Variants in DEFB118 observed in about 807,000 individuals in gnomAD.
DEFB118 encodes defensin beta 118, also known as defensin, beta 18.
In DEFB118, 3 loss-of-function variants were observed where a neutral mutation model predicts 2.8. That is an observed-to-expected ratio of 1.09 (90% CI 0.50 to 2.82). The LOEUF is 2.82. DEFB118 is among the 30% of genes most tolerant of loss of function. The pLI is 0.04. For missense variants in DEFB118, 159 were observed against 144.6 expected, an observed-to-expected ratio of 1.10 and a Z score of -0.51; for synonymous variants, 63 against 53.5, an observed-to-expected ratio of 1.18 and a Z score of -0.78.
In DEFB118 at chr20:31,373,327, A is replaced by G. The variant is rs1014013369; in HGVS notation, c.*157A>G. The G allele has an allele frequency of 1.9e-5, 12 of 629,038 alleles. No individual in the cohort carries two copies. Among genetic ancestry groups the G allele is most frequent in the African/African-American group, 3.7e-5 (2 of 54,398 alleles). The allele number at this position is 629,038 out of a possible 1,614,324, so 39.0% of individuals were successfully genotyped here. On this transcript the variant is annotated 3_prime_UTR_variant, in exon 2 of 2. Transcript: ENST00000253381. ...TGTAAAGAAGTCTAAAATTTTCACT[A>G]TTTCCAATGATAAACTCTTCAGTGC...
In DEFB118 at chr20:31,373,143, T is replaced by G. The variant is rs772565343; in HGVS notation, c.345T>G (p.Ser115=). The change falls in exon 2 of 2, where the codon TCT becomes TCG. Residue 115 remains serine (S), a synonymous_variant. Coordinates refer to ENST00000253381, the MANE Select transcript of DEFB118 (RefSeq NM_054112.3). ...AGGCGGGAAGGGGAACTGAGACCTC[T>G]CTTCCAAATGTTCACCATAGCTCAT... is the stretch of plus-strand genomic sequence containing the variant. ...ESEAGRGTET[S]LPNVHHSS is the part of the protein sequence containing the mutation. 2 of 1,613,868 alleles carry G rather than the reference T, an allele frequency of 1.2e-6. No individual in the cohort carries two copies. The highest frequency in any genetic ancestry group is 3.3e-5 in the Admixed American group (2 of 60,026).
intron 1 of DEFB118, 93 bp downstream of exon 1, chr20:31,368,801 C>A: frequency 8.3e-7 from 1 of 1,205,396 alleles, no homozygotes; most frequent in Non-Finnish European, 1.2e-6. Context: ...CCAACATGGG[C>A]AGCTCCACAG....
chr20:31,372,876 A>T lies in DEFB118; in HGVS notation c.78A>T (p.Lys26Asn). 1.2e-6 allele frequency: 2 copies of T among 1,613,966 alleles called. No homozygotes were observed. Among genetic ancestry groups the T allele is most frequent in the Non-Finnish European group, 1.7e-6 (2 of 1,179,906 alleles). Residue 26 changes from lysine (K) to asparagine (N), a missense_variant, in exon 2 of 2, where the codon AAA (lysine) becomes AAT (asparagine). Coordinates refer to ENST00000253381, the MANE Select transcript of DEFB118 (RefSeq NM_054112.3). ...QVIPAYSGEKKCWNRSGHCRK... is the reference protein window; with the variant it reads ...QVIPAYSGEKNCWNRSGHCRK... The stretch of plus-strand genomic sequence containing the variant: ...ATTCAGCCTATAGTGGTGAAAAAAA[A>T]TGCTGGAACAGATCAGGGCACTGCA...
rs562801154 is a variant in DEFB118, at chr20:31,373,093, A to G, written c.295A>G (p.Lys99Glu). Residue 99 changes from lysine (K) to glutamate (E), a missense_variant, in exon 2 of 2, where the codon AAG becomes GAG. Lys to Glu is a moderately conservative substitution (Grantham distance 56). Transcript: ENST00000253381. The stretch of plus-strand genomic sequence containing the variant: ...GACAGACTACTTTGAAGTAAGCAGC[A>G]AGAAAGATATGGTTGAAGAGTCTGA... ...FTTDYFEVSS[K>E]KDMVEESEAG... 6.2e-7 allele frequency: 1 copy of G among 1,614,206 alleles called. No individual in the cohort carries two copies. The highest frequency in any genetic ancestry group is 1.7e-5 in the Admixed American group (1 of 60,030).
Position 31,372,894 on chromosome 20 carries a change from G to A in DEFB118, c.96G>A (p.Gly32=), listed in dbSNP as rs767740209. 4 of 1,614,102 alleles carry A rather than the reference G, an allele frequency of 2.5e-6. No homozygotes were observed. The highest frequency in any genetic ancestry group is 2.2e-5 in the South Asian group (2 of 91,082). Residue 32 remains glycine (G), a synonymous_variant, in exon 2 of 2, where the codon GGG becomes GGA. Transcript: ENST00000253381. ...AAAAAAAATGCTGGAACAGATCAGG[G>A]CACTGCAGGAAACAATGCAAAGATG... ...SGEKKCWNRS[G]HCRKQCKDGE...
rs753747771 is a variant in DEFB118, at chr20:31,369,675, C to T, written c.58+967C>T. 1.2e-3 allele frequency among the ~76,000 whole-genome samples: 187 copies of T among 152,046 alleles called. 3 individuals carry two copies. The highest frequency in any genetic ancestry group is 3.5e-4 in the Non-Finnish European group (24 of 68,000). ...AAAGTGCTGGGATTACAGGCATGAGCCACCGCACCCGGCCCTATGCAGCAC... is the reference window on the plus strand; with the variant it reads ...AAAGTGCTGGGATTACAGGCATGAGTCACCGCACCCGGCCCTATGCAGCAC... On this transcript the variant is annotated intron_variant, in intron 1 of 1. Coordinates refer to ENST00000253381, the MANE Select transcript of DEFB118 (RefSeq NM_054112.3).
chr20:31,368,797 T>G, intron 1 of DEFB118, 89 bp downstream of exon 1: 1 of 1,274,866 alleles, frequency 7.8e-7, no homozygotes, highest in Middle Eastern at 2.1e-4. Context: ...CTCCCCAACA[T>G]GGGCAGCTCC....
At position 31,373,185 on chromosome 20, in the gene DEFB118, T is replaced by C. The variant is rs763094787; in HGVS notation, c.*15T>C. On this transcript the variant is annotated 3_prime_UTR_variant, in exon 2 of 2. Coordinates refer to ENST00000253381, the MANE Select transcript of DEFB118 (RefSeq NM_054112.3). ...ATAGCTCATGACTTCCTCTCGGCTA[T>C]CACTCACCCCTGTCCTCAGAGTGAT... 6.2e-7 allele frequency: 1 copy of C among 1,608,604 alleles called. No homozygotes were observed. The highest frequency in any genetic ancestry group is 8.5e-7 in the Non-Finnish European group (1 of 1,177,250).
At chr20:31,370,007 C>T (rs1231960444) in intron 1 of DEFB118, among the ~76,000 whole-genome samples, 1 of 152,058 alleles carries the variant, frequency 6.6e-6, no homozygotes, top group Non-Finnish European at 1.5e-5. Flanking sequence ...CCATTAATTC[C>T]TCTATTCCTC....
intron 1 of DEFB118, among the ~76,000 whole-genome samples, chr20:31,372,405 T>C (rs1986225192): frequency 6.6e-6 from 1 of 151,894 alleles, no homozygotes; most frequent in African/African-American, 2.4e-5. Context: ...AAAAATTAGC[T>C]GGGTGTGGTG....
At chr20:31,372,776 G>A (rs6141821) in intron 1 of DEFB118, 81 bp from the exon 2 acceptor site, 2 of 1,087,146 alleles carry the variant, frequency 1.8e-6, no homozygotes, top group East Asian at 2.6e-5. Context: ...TGTGGATATA[G>A]GATGCGAGAT....
rs1986239190 is a variant in DEFB118, at chr20:31,372,954, A to C, written c.156A>C (p.Arg52=). 1 of 1,614,222 alleles carries C rather than the reference A, an allele frequency of 6.2e-7. No homozygotes were observed. The highest frequency in any genetic ancestry group is 1.3e-5 in the African/African-American group (1 of 75,062). Residue 52 remains arginine (R), a synonymous_variant, in exon 2 of 2, where the codon CGA becomes CGC. Coordinates refer to ENST00000253381, the MANE Select transcript of DEFB118 (RefSeq NM_054112.3). ...EAVKDTCKNL[R]ACCIPSNEDH... is the part of the protein sequence containing the mutation. ...TGAAAGATACATGCAAAAATCTTCGAGCTTGCTGCATTCCATCCAATGAAG... is the reference window on the plus strand; with the variant it reads ...TGAAAGATACATGCAAAAATCTTCGCGCTTGCTGCATTCCATCCAATGAAG...
At chr20:31,372,459 G>T (rs1466097096) in intron 1 of DEFB118, among the ~76,000 whole-genome samples, 2 of 152,164 alleles carry the variant, frequency 1.3e-5, no homozygotes, top group African/African-American at 2.4e-5. Context: ...TGAGGCAAGA[G>T]AATCGCTTGA....
chr20:31,369,624 G>T lies in DEFB118; in HGVS notation c.58+916G>T, dbSNP rs545023994. On this transcript the variant is annotated intron_variant, in intron 1 of 1. Coordinates refer to ENST00000253381, the MANE Select transcript of DEFB118 (RefSeq NM_054112.3). ...AGGCTGGTCTCAAACTCTTGACCTC[G>T]GGTGATCCATCCGCCTCGGTCTCCC... is the stretch of plus-strand genomic sequence containing the variant. Among the ~76,000 whole-genome samples the T allele has an allele frequency of 1.3e-5, 2 of 152,048 alleles. 1 individual carries two copies. The highest frequency in any genetic ancestry group is 4.2e-4 in the South Asian group (2 of 4,810).
At position 31,373,406 on chromosome 20, in the gene DEFB118, T is replaced by C. The variant is rs1418974544; in HGVS notation, c.*236T>C. 2 of 529,936 alleles carry C rather than the reference T, an allele frequency of 3.8e-6. No homozygotes were observed. Among genetic ancestry groups the C allele is most frequent in the East Asian group, 6.0e-5 (2 of 33,348 alleles). 32.8% of individuals were successfully genotyped at this position (529,936 alleles called of 1,614,324 possible). On this transcript the variant is annotated 3_prime_UTR_variant, in exon 2 of 2. Transcript: ENST00000253381. ...AACAAGTTATAACCTATTTTTAGTA[T>C]TTCTTGTTTGCTAGTGACCTATGCA...
chr20:31,372,095 T>C (rs757128568), intron 1 of DEFB118, among the ~76,000 whole-genome samples: 7 of 152,372 alleles, frequency 4.6e-5, no homozygotes, highest in Non-Finnish European at 1.0e-4. Context: ...CATCAGTTGA[T>C]AGGCACTTAG....
In DEFB118 at chr20:31,373,814, G is replaced by A. The variant is rs975342572; in HGVS notation, c.*644G>A. The stretch of plus-strand genomic sequence containing the variant: ...CTTGATCACACATGGACATCCAAGG[G>A]TAATCATGGACCCCCAATTGTGGGT... On this transcript the variant is annotated 3_prime_UTR_variant, in exon 2 of 2. Transcript: ENST00000253381. The A allele has an allele frequency of 1.3e-5, 2 of 149,698 alleles. No individual in the cohort carries two copies. The highest frequency in any genetic ancestry group is 3.0e-5 in the Non-Finnish European group (2 of 67,752). The allele number at this position is 149,698 out of a possible 1,614,324, so 9.3% of individuals were successfully genotyped here.
In DEFB118 at chr20:31,372,936, T is replaced by C. The variant is rs1986238166; in HGVS notation, c.138T>C (p.Asp46=). 3.1e-6 allele frequency: 5 copies of C among 1,614,188 alleles called. No individual in the cohort carries two copies. The highest frequency in any genetic ancestry group is 4.2e-6 in the Non-Finnish European group (5 of 1,180,026). The part of the protein sequence containing the change: ...KQCKDGEAVK[D]TCKNLRACCI... Reference sequence around the variant, plus strand: ...GCAAAGATGGAGAAGCAGTGAAAGATACATGCAAAAATCTTCGAGCTTGCT... The same window carrying C: ...GCAAAGATGGAGAAGCAGTGAAAGACACATGCAAAAATCTTCGAGCTTGCT... Residue 46 remains aspartate (D), a synonymous_variant, in exon 2 of 2, where the codon GAT becomes GAC. Transcript: ENST00000253381.
Position 31,373,393 on chromosome 20 carries a change from C to T in DEFB118, c.*223C>T, listed in dbSNP as rs969463541. ...ACATTATTTCCACAACAAGTTATAA[C>T]CTATTTTTAGTATTTCTTGTTTGCT... On this transcript the variant is annotated 3_prime_UTR_variant, in exon 2 of 2. Coordinates refer to ENST00000253381, the MANE Select transcript of DEFB118 (RefSeq NM_054112.3). The T allele has an allele frequency of 3.5e-5, 19 of 549,270 alleles. No homozygotes were observed. In the African/African-American group the frequency reaches 3.6e-4, roughly 10 times the overall value. 34.0% of individuals were successfully genotyped at this position (549,270 alleles called of 1,614,324 possible).
Sources: allele counts gnomAD v4.1 joint callset (sites outside exome capture counted in the v4.1 genomes callset), GRCh38; gene constraint gnomAD v4.1.1; transcripts MANE v1.5; gene names NCBI Gene and HGNC (gene_info 2026-07-23, HGNC 2026-07-21).